The following KREMEN1 variants were observed in gnomAD, a reference collection of about 807,000 sequenced individuals.
KREMEN1 encodes kringle containing transmembrane protein 1.
A neutral mutation model predicts 46.5 loss-of-function variants in KREMEN1; 30 were observed. The ratio of observed to expected loss-of-function variants is 0.65; its 90% CI spans 0.48 to 0.88. KREMEN1 has a LOEUF of 0.88. Among genes scored for constraint, KREMEN1 ranks in the 40% least tolerant of loss-of-function variants. The pLI is 0.00. For synonymous variants in KREMEN1, 214 were observed against 230.6 expected (o/e 0.93, Z 0.65); for missense variants, 533 against 596.9 (o/e 0.89, Z 1.11).
intron 5 of KREMEN1, among the ~76,000 whole-genome samples, chr22:29,136,679 C>T (rs1446046903): frequency 1.3e-5 from 2 of 152,146 alleles, no homozygotes; most frequent in African/African-American, 4.8e-5. Context: ...ATCACTGCAT[C>T]CCCTTTCTAG....
intron 5 of KREMEN1, among the ~76,000 whole-genome samples, chr22:29,133,370 G>A (rs1762153368): frequency 6.6e-6 from 1 of 151,910 alleles, no homozygotes; most frequent in Admixed American, 6.6e-5. Context: ...TGCAGTCATG[G>A]CCCACTGCAG....
chr22:29,149,186 C>T (rs561149343), downstream of KREMEN1, among the ~76,000 whole-genome samples: 15 of 144,250 alleles, frequency 1.0e-4, no homozygotes, highest in South Asian at 8.4e-4. Context: ...TTTTTTGAGA[C>T]GGAGTCTCGC....
At chr22:29,151,156 C>G (rs1011180701), downstream of KREMEN1, among the ~76,000 whole-genome samples, 6 of 152,132 alleles carry the variant, frequency 3.9e-5, no homozygotes, top group African/African-American at 1.4e-4. Context: ...TGGAGCCTCT[C>G]CCTGCAAAAA....
At chr22:29,122,215 C>G (rs907846456) in intron 4 of KREMEN1, among the ~76,000 whole-genome samples, 1 of 152,182 alleles carries the variant, frequency 6.6e-6, no homozygotes, top group African/African-American at 2.4e-5. Flanking sequence ...AAAAGATGCT[C>G]AGCATCACCA....
downstream of KREMEN1, among the ~76,000 whole-genome samples, chr22:29,150,274 G>A (rs2038905187): frequency 2.0e-5 from 3 of 151,766 alleles, no homozygotes; most frequent in African/African-American, 7.3e-5. Context: ...TGTGCAGGAC[G>A]CCCATCTCCA....
At chr22:29,149,421 A>G (rs1017753051), downstream of KREMEN1, among the ~76,000 whole-genome samples, 4 of 152,062 alleles carry the variant, frequency 2.6e-5, no homozygotes, top group Admixed American at 6.5e-5. Flanking sequence ...TTGCCCTCCC[A>G]AAGTGCTGGT....
chr22:29,102,687 G>C (rs972735254), intron 3 of KREMEN1, among the ~76,000 whole-genome samples: 1 of 152,184 alleles, frequency 6.6e-6, no homozygotes, highest in African/African-American at 2.4e-5. Flanking sequence ...AAACCGCTTA[G>C]TATGCCTCTA....
At chr22:29,090,205 C>T (rs552120582) in intron 1 of KREMEN1, among the ~76,000 whole-genome samples, 3 of 152,292 alleles carry the variant, frequency 2.0e-5, no homozygotes, top group South Asian at 2.1e-4. Context: ...TCACTGAATA[C>T]GTAAATAAAC....
chr22:29,107,382 C>G (rs1176214513), intron 3 of KREMEN1, among the ~76,000 whole-genome samples: 1 of 151,914 alleles, frequency 6.6e-6, no homozygotes, highest in East Asian at 1.9e-4. Flanking sequence ...ACAACCGTGC[C>G]CAGCTAATTT....
intron 1 of KREMEN1, among the ~76,000 whole-genome samples, chr22:29,079,724 C>T (rs1215483924): frequency 2.0e-5 from 3 of 152,192 alleles, no homozygotes. Flanking sequence ...TAGCTATCAG[C>T]GTGTATGATT....
chr22:29,085,342 C>T (rs1299433473), intron 1 of KREMEN1, among the ~76,000 whole-genome samples: 4 of 152,148 alleles, frequency 2.6e-5, no homozygotes, highest in Admixed American at 6.6e-5. Context: ...CTTCATTCCC[C>T]TTACTACATT....
intron 9 of KREMEN1, among the ~76,000 whole-genome samples, chr22:29,162,273 A>G (rs376623400): frequency 1.6e-4 from 25 of 152,348 alleles, no homozygotes; most frequent in African/African-American, 5.3e-4. Context: ...AATGCTTTCA[A>G]TAAACTCCAA....
At chr22:29,074,787 T>A (rs1252150764) in intron 1 of KREMEN1, among the ~76,000 whole-genome samples, 1 of 152,234 alleles carries the variant, frequency 6.6e-6, no homozygotes, top group Non-Finnish European at 1.5e-5. Context: ...CTGGGTGACT[T>A]TGGGCCATGC....
chr22:29,140,224 C>A, intron 7 of KREMEN1, 58 bp from the exon 8 acceptor site: 1 of 1,393,718 alleles, frequency 7.2e-7, no homozygotes, highest in Non-Finnish European at 1.0e-6. Flanking sequence ...TCCAGCCGAC[C>A]TCCTTTCGAA....
intron 4 of KREMEN1, among the ~76,000 whole-genome samples, chr22:29,124,831 A>C (rs1297859495): frequency 6.6e-6 from 1 of 152,220 alleles, no homozygotes; most frequent in Non-Finnish European, 1.5e-5. Context: ...AAATTTATAG[A>C]ACTATATGCC....
At chr22:29,086,837 C>T (rs1367719119) in intron 1 of KREMEN1, among the ~76,000 whole-genome samples, 1 of 152,156 alleles carries the variant, frequency 6.6e-6, no homozygotes, top group Non-Finnish European at 1.5e-5. Context: ...TGGCTCACTG[C>T]AGCTTTGACT....
intron 1 of KREMEN1, among the ~76,000 whole-genome samples, chr22:29,081,617 A>G (rs1332151104): frequency 6.6e-6 from 1 of 152,158 alleles, no homozygotes; most frequent in African/African-American, 2.4e-5. Context: ...TATTGCTCCA[A>G]GTGACCAGAG....
chr22:29,118,914 C>T (rs964331625), intron 3 of KREMEN1, among the ~76,000 whole-genome samples: 1 of 152,158 alleles, frequency 6.6e-6, no homozygotes, highest in Non-Finnish European at 1.5e-5. Flanking sequence ...AGACTGCCCC[C>T]CACTTCAGAT....
In KREMEN1 at chr22:29,103,161, A is replaced by C. The variant is rs1436130513; in HGVS notation, c.352+4208A>C. 3.3e-5 allele frequency among the ~76,000 whole-genome samples: 5 copies of C among 152,184 alleles called. 1 individual carries two copies. Among genetic ancestry groups the C allele is most frequent in the Admixed American group, 3.3e-4 (5 of 15,266 alleles). ...GTCACAATTTTCATGAATAATACTA[A>C]ACCTCTGCATGAAGCCTGCTATTCA... is the stretch of plus-strand genomic sequence containing the variant. On this transcript the variant is annotated intron_variant, in intron 3 of 8. Transcript: ENST00000400335.
Sources: gnomAD v4.1 joint callset for allele counts (sites outside exome capture counted in the v4.1 genomes callset) on GRCh38, gnomAD v4.1.1 for gene constraint, MANE v1.5 for transcripts, NCBI Gene and HGNC (gene_info 2026-07-23, HGNC 2026-07-21) for gene names.